The following STPG2 variants were observed in gnomAD, a reference collection of about 807,000 sequenced individuals.
STPG2 encodes the protein sperm tail PG-rich repeat containing 2, also known as sperm-tail PG-rich repeat-containing protein 2.
Under a neutral mutation model 54.2 loss-of-function variants are expected in STPG2, and 56 were observed. The observed-to-expected ratio is 1.03, with a 90% CI of 0.83 to 1.29. STPG2 has a LOEUF of 1.29. Among genes scored for constraint, STPG2 ranks in the 50% most tolerant of loss-of-function variants. STPG2 has a pLI of 0.00. For missense variants in STPG2, 596 were observed against 544.9 expected (o/e 1.09, Z -0.93); for synonymous variants, 200 against 181.8 (o/e 1.10, Z -0.81).
At chr4:97,662,624 C>T (rs7442272) in intron 10 of STPG2, among the ~76,000 whole-genome samples, 68,363 of 152,034 alleles carry the variant, frequency 0.45, 16,873 homozygotes, top group South Asian at 0.62. Context: ...TCCCCATTAA[C>T]AGTGGATTGG....
rs567839575 is a variant in STPG2, at chr4:97,990,858, A to G, written c.613-9540T>C. Among the ~76,000 whole-genome samples, 12 of 152,250 alleles carry G rather than the reference A, an allele frequency of 7.9e-5. No individual in the cohort carries two copies. The East Asian group carries it at 9.6e-4, about 12-fold the overall frequency. On this transcript the variant is annotated intron_variant, in intron 5 of 10. Transcript: ENST00000295268. ...ATGTGCAGGGATTGGAAAACTGGGGAAAAAACATACAGTTTAAACTTTATT... is the reference window on the plus strand; with the variant it reads ...ATGTGCAGGGATTGGAAAACTGGGGGAAAAACATACAGTTTAAACTTTATT...
chr4:97,784,604 T>C (rs1252677487), intron 9 of STPG2, among the ~76,000 whole-genome samples: 1 of 151,982 alleles, frequency 6.6e-6, no homozygotes, highest in Admixed American at 6.6e-5. Flanking sequence ...AGTAGAAAAG[T>C]ATAGTTCTAT....
At chr4:98,108,068 T>C (rs1056748699) in intron 4 of STPG2, among the ~76,000 whole-genome samples, 1 of 152,012 alleles carries the variant, frequency 6.6e-6, no homozygotes, top group African/African-American at 2.4e-5. Context: ...GAGTATAAAT[T>C]CCCAAAAACA....
At chr4:97,994,705 G>A (rs746581311) in intron 5 of STPG2, among the ~76,000 whole-genome samples, 25 of 152,134 alleles carry the variant, frequency 1.6e-4, no homozygotes, top group African/African-American at 5.8e-4. Context: ...GGAGGTAGCA[G>A]GGGAGTGAAG....
chr4:97,937,780 G>A (rs1183073222), intron 8 of STPG2, among the ~76,000 whole-genome samples: 2 of 152,126 alleles, frequency 1.3e-5, no homozygotes, highest in Non-Finnish European at 2.9e-5. Flanking sequence ...CTCTGACCTC[G>A]AGGGGCACCA....
At chr4:97,628,830 T>C (rs898855674) in intron 10 of STPG2, among the ~76,000 whole-genome samples, 1 of 152,076 alleles carries the variant, frequency 6.6e-6, no homozygotes, top group Non-Finnish European at 1.5e-5. Flanking sequence ...ATTTTTACAA[T>C]ATTGTCACTC....
rs3046530 is a variant in STPG2 at position 97,793,370 on chromosome 4, TACAC to T, written c.1204+47399_1204+47402del. The stretch of plus-strand genomic sequence containing the variant: ...ATATATAAAATTAGAGTTTTATATA[TACAC>T]ACACACACACACACACACACACACA... On this transcript the variant is annotated intron_variant, in intron 9 of 10. Coordinates refer to ENST00000295268, the MANE Select transcript of STPG2 (RefSeq NM_174952.3). Among the ~76,000 whole-genome samples, 1,130 of 147,952 alleles carry T rather than the reference TACAC, an allele frequency of 7.6e-3. 33 individuals are homozygous for T. In the East Asian group the frequency reaches 0.084, roughly 11 times the overall value.
intron 9 of STPG2, among the ~76,000 whole-genome samples, chr4:97,736,529 C>T (rs1578519026): frequency 6.6e-6 from 1 of 152,302 alleles, no homozygotes; most frequent in African/African-American, 2.4e-5. Flanking sequence ...TTCCAACGGG[C>T]TTAAAAAACG....
intron 9 of STPG2, among the ~76,000 whole-genome samples, chr4:97,735,027 G>A (rs1036382526): frequency 2.0e-5 from 3 of 151,316 alleles, no homozygotes; most frequent in African/African-American, 7.3e-5. Context: ...GAGTTGAGAT[G>A]GCGTCACTGC....
chr4:97,965,259 T>C (rs1178180986), intron 7 of STPG2, among the ~76,000 whole-genome samples: 1 of 152,174 alleles, frequency 6.6e-6, no homozygotes, highest in African/African-American at 2.4e-5. Context: ...ATCTGAGATC[T>C]ACCTGCCAGG....
chr4:97,767,783 C>A (rs1443060312), intron 9 of STPG2, among the ~76,000 whole-genome samples: 2 of 152,130 alleles, frequency 1.3e-5, no homozygotes, highest in African/African-American at 4.8e-5. Flanking sequence ...TCCTAACAAT[C>A]TGGCATTTTT....
At chr4:97,618,496 T>C (rs751672530) in intron 10 of STPG2, among the ~76,000 whole-genome samples, 1 of 152,178 alleles carries the variant, frequency 6.6e-6, no homozygotes, top group Non-Finnish European at 1.5e-5. Context: ...GTAATAGATA[T>C]GGAAATACAG....
At chr4:97,795,091 AT>A (rs1245959774) in intron 9 of STPG2, among the ~76,000 whole-genome samples, 1 of 152,082 alleles carries the variant, frequency 6.6e-6, no homozygotes, top group Non-Finnish European at 1.5e-5. Flanking sequence ...AGTTAATGAC[AT>A]TTCATTCCTT....
At chr4:97,944,217 T>C (rs534707615) in intron 7 of STPG2, among the ~76,000 whole-genome samples, 17 of 152,106 alleles carry the variant, frequency 1.1e-4, no homozygotes, top group Non-Finnish European at 1.9e-4. Flanking sequence ...GAATTGATTA[T>C]ATGAACCTCT....
chr4:97,538,604 T>C (rs899648891), intron 4 of STPG2, among the ~76,000 whole-genome samples: 1 of 152,176 alleles, frequency 6.6e-6, no homozygotes, highest in Admixed American at 6.5e-5. Context: ...TGGAGCCAAG[T>C]TGGAAAACAC....
chr4:97,833,993 CA>C (rs1330139255), intron 9 of STPG2, among the ~76,000 whole-genome samples: 1 of 152,142 alleles, frequency 6.6e-6, no homozygotes, highest in African/African-American at 2.4e-5. Flanking sequence ...TTTGACCCAG[CA>C]ATCCCATTAC....
intron 5 of STPG2, among the ~76,000 whole-genome samples, chr4:98,049,235 C>T (rs987385352): frequency 4.6e-5 from 7 of 152,204 alleles, no homozygotes; most frequent in African/African-American, 1.2e-4. Flanking sequence ...AATGAACACT[C>T]GACTTGAAGT....
At chr4:97,904,092 C>A (rs1578673262) in intron 8 of STPG2, among the ~76,000 whole-genome samples, 1 of 152,224 alleles carries the variant, frequency 6.6e-6, no homozygotes, top group Admixed American at 6.5e-5. Flanking sequence ...CTGGGTGGAG[C>A]CCACCACAGC....
intron 5 of STPG2, among the ~76,000 whole-genome samples, chr4:97,994,957 C>G (rs572531961): frequency 6.6e-6 from 1 of 152,010 alleles, no homozygotes; most frequent in Admixed American, 6.6e-5. Flanking sequence ...CTCAGCCTCT[C>G]CTTGGGTAGG....
Sources: gnomAD v4.1 joint callset for allele counts (sites outside exome capture counted in the v4.1 genomes callset) on GRCh38, gnomAD v4.1.1 for gene constraint, MANE v1.5 for transcripts, NCBI Gene and HGNC (gene_info 2026-07-23, HGNC 2026-07-21) for gene names.